Variants in CEP78 observed in about 807,000 individuals in gnomAD.
CEP78 encodes centrosomal protein 78.
CEP78 carries 76 observed loss-of-function variants against 81.2 expected under a neutral mutation model. The ratio of observed to expected loss-of-function variants is 0.94; its 90% CI spans 0.78 to 1.13. CEP78 has a LOEUF of 1.13. Ranked by LOEUF, CEP78 falls within the 50% of genes most tolerant of loss-of-function variation. The pLI is 0.00. For synonymous variants in CEP78, 293 were observed against 301.4 expected (o/e 0.97, Z 0.29); for missense variants, 918 against 846.8 (o/e 1.08, Z -1.04).
Position 78,240,273 on chromosome 9 carries a change from CT to C in CEP78, c.427-15del. 6.2e-7 allele frequency: 1 copy of C among 1,608,094 alleles called. No individual in the cohort carries two copies. The highest frequency in any genetic ancestry group is 8.5e-7 in the Non-Finnish European group (1 of 1,176,616). On this transcript the variant is annotated intron_variant, in intron 2 of 16. Transcript: ENST00000643273. ...AAAAAAACCTCAATAACATTTTTAA[CT>C]TTTCCCCCTCATTAAAGGGATTGAA...
intron 3 of CEP78, 37 bp downstream of exon 3, chr9:78,240,401 G>C (rs745939299): frequency 1.3e-6 from 2 of 1,510,870 alleles, no homozygotes; most frequent in Non-Finnish European, 1.8e-6. Context: ...GTCCTATCAG[G>C]CTGGTTTCAT....
chr9:78,243,686 A>T, intron 5 of CEP78, 50 bp downstream of exon 5: 1 of 1,476,122 alleles, frequency 6.8e-7, no homozygotes, highest in Non-Finnish European at 9.3e-7. Flanking sequence ...TTTTGATATT[A>T]AATATGCTTA....
At chr9:78,257,105 C>CA (rs573769294) in intron 11 of CEP78, among the ~76,000 whole-genome samples, 3,436 of 124,010 alleles carry the variant, frequency 0.028, 117 homozygotes, top group African/African-American at 0.088. Flanking sequence ...AAGGAAATTA[C>CA]AAAAAAAAAA....
Position 78,276,717 on chromosome 9 carries a change from G to A in CEP78, c.*5866G>A, listed in dbSNP as rs1261714958. On this transcript the variant is annotated 3_prime_UTR_variant, in exon 17 of 17. Coordinates refer to ENST00000643273, the MANE Select transcript of CEP78 (RefSeq NM_001330691.3). ...TTATCTAGAAATAAGATTAACAAGA[G>A]AAATGTAAGGCCTATATAAATAAAA... 1 of 152,034 alleles carries A rather than the reference G, an allele frequency of 6.6e-6. No individual in the cohort carries two copies. Among genetic ancestry groups the A allele is most frequent in the Admixed American group, 6.6e-5 (1 of 15,264 alleles). The allele number at this position is 152,034 out of a possible 1,614,324, so 9.4% of individuals were successfully genotyped here. A position where few individuals can be genotyped will look rare whatever the true frequency, so the allele number is the denominator to read the frequency against.
rs1826613076 is a variant in CEP78 at position 78,248,658 on chromosome 9, G to A, written c.958-104G>A. 1.2e-5 allele frequency: 8 copies of A among 682,986 alleles called. No individual in the cohort carries two copies. The South Asian group carries it at 1.5e-4, about 13-fold the overall frequency. 42.3% of individuals were successfully genotyped at this position (682,986 alleles called of 1,614,324 possible). The stretch of plus-strand genomic sequence containing the variant: ...ATTTTGGGTCCCAGAACTGCTGATT[G>A]CAAACCTTTTATTAACATAGAGTAT... On this transcript the variant is annotated intron_variant, in intron 7 of 16. Coordinates refer to ENST00000643273, the MANE Select transcript of CEP78 (RefSeq NM_001330691.3).
At chr9:78,257,958 G>A (rs894977123) in intron 11 of CEP78, among the ~76,000 whole-genome samples, 1 of 152,160 alleles carries the variant, frequency 6.6e-6, no homozygotes, top group Non-Finnish European at 1.5e-5. Flanking sequence ...GGTGTAACCT[G>A]TATATACACA....
Position 78,266,628 on chromosome 9 carries a change from G to C in CEP78, c.2032G>C (p.Gly678Arg), listed in dbSNP as rs774300100. Reference protein sequence around the residue: ...MCSPSPDATSGTGSQRKEEEL... With the variant: ...MCSPSPDATSRTGSQRKEEEL... ...TTCTCCTTCACCAGATGCGACTTCT[G>C]GAACTGGAAGTCAAAGAAAAGAAGA... The change falls in exon 16 of 17, where the codon GGA (glycine) becomes CGA (arginine). Residue 678 changes from glycine to arginine, a missense_variant. By Grantham distance (125) the Gly-to-Arg change is moderately radical. Coordinates refer to ENST00000643273, the MANE Select transcript of CEP78 (RefSeq NM_001330691.3). 1 of 1,612,828 alleles carries C rather than the reference G, an allele frequency of 6.2e-7. No homozygotes were observed. Among genetic ancestry groups the C allele is most frequent in the Non-Finnish European group, 8.5e-7 (1 of 1,179,346 alleles).
In CEP78 at chr9:78,248,375, TC is replaced by T; in HGVS notation, c.957+22del. 1 of 1,496,656 alleles carries T rather than the reference TC, an allele frequency of 6.7e-7. No homozygotes were observed. Among genetic ancestry groups the T allele is most frequent in the Non-Finnish European group, 9.3e-7 (1 of 1,074,184 alleles). 92.7% of individuals were successfully genotyped at this position (1,496,656 alleles called of 1,614,324 possible). ...TCAGAGGTATATCATGTTTTATTTC[TC>T]CAGAAAGAATTCTTATTTAATTGCT... On this transcript the variant is annotated intron_variant, in intron 7 of 16. Transcript: ENST00000643273.
chr9:78,242,913 TG>T, intron 4 of CEP78, among the ~76,000 whole-genome samples: 1 of 152,316 alleles, frequency 6.6e-6, no homozygotes, highest in Middle Eastern at 3.4e-3. Flanking sequence ...TGAGATCCCT[TG>T]GGTTAGGAGA....
At chr9:78,238,702 C>T (rs1826076931) in intron 1 of CEP78, among the ~76,000 whole-genome samples, 1 of 152,152 alleles carries the variant, frequency 6.6e-6, no homozygotes, top group South Asian at 2.1e-4. Context: ...TTCTCTACAT[C>T]TCATTCAGGT....
chr9:78,244,261 C>G (rs1364356454), intron 5 of CEP78, among the ~76,000 whole-genome samples: 4 of 151,634 alleles, frequency 2.6e-5, no homozygotes, highest in Admixed American at 6.6e-5. Context: ...CTATACCCTC[C>G]GAGTAGCTGG....
At chr9:78,245,171 T>C (rs959415741) in intron 5 of CEP78, among the ~76,000 whole-genome samples, 2 of 151,718 alleles carry the variant, frequency 1.3e-5, no homozygotes, top group African/African-American at 2.4e-5. Flanking sequence ...TAGGGCTTCA[T>C]AGAATATTCT....
intron 9 of CEP78, among the ~76,000 whole-genome samples, chr9:78,252,414 C>T (rs1161685064): frequency 1.3e-5 from 2 of 152,126 alleles, no homozygotes. Flanking sequence ...GGAAATTGTT[C>T]AATGCAAAAT....
intron 8 of CEP78, chr9:78,250,195 G>A: frequency 2.5e-6 from 1 of 398,014 alleles, no homozygotes; most frequent in Non-Finnish European, 4.4e-6. Context: ...AGCTCACTGA[G>A]CTATTTTAAG....
intron 11 of CEP78, among the ~76,000 whole-genome samples, chr9:78,258,986 C>T (rs1827158693): frequency 6.6e-6 from 1 of 152,088 alleles, no homozygotes; most frequent in Non-Finnish European, 1.5e-5. Flanking sequence ...ACGTTGGGAC[C>T]CAACAAGTCA....
At chr9:78,242,153 TGTAGATCGGGGTA>T (rs1479130184) in intron 4 of CEP78, among the ~76,000 whole-genome samples, 1 of 152,152 alleles carries the variant, frequency 6.6e-6, no homozygotes, top group Non-Finnish European at 1.5e-5. Context: ...AATTTGATGG[TGTAGATCGGGGTA>T]GTCAAACTAT....
rs746610597 is a variant in CEP78, at chr9:78,266,594, T to C, written c.1998T>C (p.Ala666=). 6.2e-7 allele frequency: 1 copy of C among 1,613,706 alleles called. No homozygotes were observed. The highest frequency in any genetic ancestry group is 8.5e-7 in the Non-Finnish European group (1 of 1,179,758). The change falls in exon 16 of 17, where the codon GCT becomes GCC. Residue 666 remains alanine (A), a synonymous_variant. Transcript: ENST00000643273. ...AGGAGTCTTTTGAAGGATTCATTGCTAGAATGTGTTCTCCTTCACCAGATG... is the reference window on the plus strand; with the variant it reads ...AGGAGTCTTTTGAAGGATTCATTGCCAGAATGTGTTCTCCTTCACCAGATG... ...QRQESFEGFI[A]RMCSPSPDAT...
chr9:78,254,945 T>C lies in CEP78; in HGVS notation c.1361T>C (p.Ile454Thr), dbSNP rs775443868. 3.7e-6 allele frequency: 6 copies of C among 1,610,900 alleles called. No homozygotes were observed. Among genetic ancestry groups the C allele is most frequent in the South Asian group, 2.2e-5 (2 of 90,836 alleles). Residue 454 changes from isoleucine (I) to threonine (T), a missense_variant, in exon 11 of 17, where the codon ATA becomes ACA. By Grantham distance (89) the Ile-to-Thr change is moderately conservative. Transcript: ENST00000643273. ...SVHEVPEKTS[I>T]EQEALQEKLE... is the part of the protein sequence containing the mutation. ...CATGAAGTGCCTGAGAAAACTAGTA[T>C]AGAACAAGAAGCATTACAGGTACAA...
At position 78,275,767 on chromosome 9, in the gene CEP78, A is replaced by AAAAACAAAAC. The variant is rs1005192370; in HGVS notation, c.*4926_*4935dup. ...CAAGACCTCATCTCTACAAAAATTA[A>AAAAACAAAAC]AAAACAAAACAAAACAAAAAAACCC... On this transcript the variant is annotated 3_prime_UTR_variant, in exon 17 of 17. Coordinates refer to ENST00000643273, the MANE Select transcript of CEP78 (RefSeq NM_001330691.3). 1 of 152,204 alleles carries AAAAACAAAAC rather than the reference A, an allele frequency of 6.6e-6. No individual in the cohort carries two copies. Among genetic ancestry groups the AAAAACAAAAC allele is most frequent in the African/African-American group, 2.4e-5 (1 of 41,358 alleles). 9.4% of individuals were successfully genotyped at this position (152,204 alleles called of 1,614,324 possible).
Sources: gnomAD v4.1 joint callset for allele counts (sites outside exome capture counted in the v4.1 genomes callset) on GRCh38, gnomAD v4.1.1 for gene constraint, MANE v1.5 for transcripts, NCBI Gene and HGNC (gene_info 2026-07-23, HGNC 2026-07-21) for gene names.